Variants in JARID2 observed in about 807,000 individuals in gnomAD.
JARID2 encodes protein Jumonji.
In JARID2, 21 loss-of-function variants were observed where a neutral mutation model predicts 125.6. That is an observed-to-expected ratio of 0.17 (90% confidence interval 0.12 to 0.24). JARID2 has a LOEUF of 0.24. Among genes scored for constraint, JARID2 ranks in the 10% least tolerant of loss-of-function variants. JARID2 has a pLI of 1.00. For missense variants in JARID2, 1,303 were observed against 1,639.6 expected (o/e 0.79, Z 3.55); for synonymous variants, 736 against 661.6 (o/e 1.11, Z -1.73).
chr6:15,249,287 G>A (rs568498506), intron 1 of JARID2, among the ~76,000 whole-genome samples: 2 of 152,232 alleles, frequency 1.3e-5, no homozygotes, highest in Non-Finnish European at 2.9e-5. Flanking sequence ...TGATGATGCT[G>A]CACAGCAGCA....
In JARID2 at chr6:15,436,102, A is replaced by C. The variant is rs539481748; in HGVS notation, c.324-15904A>C. On this transcript the variant is annotated intron_variant, in intron 3 of 17. Transcript: ENST00000341776. The stretch of plus-strand genomic sequence containing the variant: ...GTTTACAGCTGAAGTCCCAGTGTGC[A>C]TGTGTTACAGGGTGCTCCTTTAGTT... 9.2e-5 allele frequency among the ~76,000 whole-genome samples: 14 copies of C among 152,236 alleles called. No individual in the cohort carries two copies. In the South Asian group the frequency reaches 2.7e-3, roughly 29 times the overall value.
At chr6:15,306,832 AT>A (rs1185612770) in intron 1 of JARID2, among the ~76,000 whole-genome samples, 1 of 150,096 alleles carries the variant, frequency 6.7e-6, no homozygotes, top group Non-Finnish European at 1.5e-5. Context: ...TAGGCAGCTT[AT>A]TTTTTTTCCT....
intron 3 of JARID2, among the ~76,000 whole-genome samples, chr6:15,441,273 T>C (rs1767434914): frequency 6.6e-6 from 1 of 152,242 alleles, no homozygotes; most frequent in Non-Finnish European, 1.5e-5. Flanking sequence ...GAGATGGTAT[T>C]ACTAATAGCG....
chr6:15,270,550 G>A (rs943015033), intron 1 of JARID2, among the ~76,000 whole-genome samples: 1 of 152,172 alleles, frequency 6.6e-6, no homozygotes, highest in South Asian at 2.1e-4. Flanking sequence ...TTATGATTGC[G>A]AGTCATGTCA....
intron 3 of JARID2, among the ~76,000 whole-genome samples, chr6:15,411,865 A>G (rs1765891646): frequency 6.6e-6 from 1 of 152,166 alleles, no homozygotes; most frequent in Non-Finnish European, 1.5e-5. Flanking sequence ...GCTGGTCAGC[A>G]TCCGGGTGCA....
At chr6:15,469,318 G>C (rs7768597) in intron 5 of JARID2, among the ~76,000 whole-genome samples, 1,245 of 48,054 alleles carry the variant, frequency 0.026, 30 homozygotes, top group African/African-American at 0.053. Flanking sequence ...CTCTCTCTCT[G>C]TCTCTCTCTC....
chr6:15,416,185 A>G lies in JARID2; in HGVS notation c.323+5820A>G, dbSNP rs535048737. Among the ~76,000 whole-genome samples, 859 of 145,848 alleles carry G rather than the reference A, an allele frequency of 5.9e-3. 5 individuals are homozygous for G. Among genetic ancestry groups the G allele is most frequent in the Middle Eastern group, 0.026 (7 of 266 alleles). ...TAGATGGGATGGCGGCCGGGCAGAGACGCTCCTCACTTTCCAGACTGGGTA... is the reference window on the plus strand; with the variant it reads ...TAGATGGGATGGCGGCCGGGCAGAGGCGCTCCTCACTTTCCAGACTGGGTA... On this transcript the variant is annotated intron_variant, in intron 3 of 17. Transcript: ENST00000341776.
intron 1 of JARID2, among the ~76,000 whole-genome samples, chr6:15,363,835 G>T (rs1763882139): frequency 6.6e-6 from 1 of 152,188 alleles, no homozygotes; most frequent in Non-Finnish European, 1.5e-5. Context: ...TAATGAAAGG[G>T]TGCCAATCCC....
At chr6:15,296,057 A>G (rs1273992212) in intron 1 of JARID2, among the ~76,000 whole-genome samples, 1 of 152,172 alleles carries the variant, frequency 6.6e-6, no homozygotes, top group African/African-American at 2.4e-5. Context: ...CTCGTGCACA[A>G]AAGTATTTCG....
intron 1 of JARID2, among the ~76,000 whole-genome samples, chr6:15,319,068 T>G (rs980374681): frequency 9.2e-5 from 14 of 152,248 alleles, no homozygotes; most frequent in Admixed American, 2.6e-4. Context: ...GCCTTTTGTA[T>G]TTACATAGAA....
chr6:15,507,462 G>A, intron 11 of JARID2, 46 bp downstream of exon 11: 1 of 1,534,830 alleles, frequency 6.5e-7, no homozygotes, highest in South Asian at 1.1e-5. Flanking sequence ...GTGTCCATGA[G>A]TCCTACTTGC....
At chr6:15,404,543 A>G (rs1383753634) in intron 2 of JARID2, among the ~76,000 whole-genome samples, 11 of 150,056 alleles carry the variant, frequency 7.3e-5, no homozygotes, top group Non-Finnish European at 1.2e-4. Context: ...ACACACACAC[A>G]CACACACACA....
intron 1 of JARID2, among the ~76,000 whole-genome samples, chr6:15,283,208 G>A (rs1225008557): frequency 2.7e-5 from 4 of 147,416 alleles, no homozygotes; most frequent in Non-Finnish European, 4.5e-5. Flanking sequence ...TCGATCTGCC[G>A]ACCTTGTGAT....
chr6:15,359,386 T>G (rs1763712832), intron 1 of JARID2, among the ~76,000 whole-genome samples: 1 of 152,202 alleles, frequency 6.6e-6, no homozygotes, highest in Non-Finnish European at 1.5e-5. Context: ...GGATTCTTCC[T>G]GGATTCATTG....
intron 16 of JARID2, among the ~76,000 whole-genome samples, chr6:15,515,728 G>A (rs1422163753): frequency 6.6e-6 from 1 of 150,568 alleles, no homozygotes; most frequent in Non-Finnish European, 1.5e-5. Context: ...CAGCCTGGGT[G>A]ACAGAGTGAC....
chr6:15,373,106 A>G (rs1423699746), intron 1 of JARID2, among the ~76,000 whole-genome samples: 6 of 152,216 alleles, frequency 3.9e-5, no homozygotes, highest in Admixed American at 3.9e-4. Flanking sequence ...ACAGAAGAGA[A>G]CCTCTCAATA....
intron 12 of JARID2, among the ~76,000 whole-genome samples, chr6:15,508,749 T>G (rs1385170558): frequency 6.6e-6 from 1 of 152,242 alleles, no homozygotes; most frequent in Non-Finnish European, 1.5e-5. Context: ...CCTTAAGAAT[T>G]ACCTACTTAC....
intron 4 of JARID2, among the ~76,000 whole-genome samples, chr6:15,455,054 G>C (rs115015322): frequency 1.3e-5 from 2 of 152,012 alleles, no homozygotes; most frequent in Admixed American, 1.3e-4. Flanking sequence ...ATATCTAGCC[G>C]CGCTTGGTTG....
At chr6:15,470,307 C>G (rs1364059129) in intron 5 of JARID2, among the ~76,000 whole-genome samples, 1 of 152,154 alleles carries the variant, frequency 6.6e-6, no homozygotes, top group Non-Finnish European at 1.5e-5. Flanking sequence ...CCCACTGAGA[C>G]CCTGTAAGAT....
Sources: allele counts gnomAD v4.1 joint callset (sites outside exome capture counted in the v4.1 genomes callset), GRCh38; gene constraint gnomAD v4.1.1; transcripts MANE v1.5; gene names NCBI Gene and HGNC (gene_info 2026-07-23, HGNC 2026-07-21).